GSKIP: variants seen among roughly 807,000 people sequenced by gnomAD.
GSKIP encodes the protein GSK3B-interacting protein.
Under a neutral mutation model 11.9 loss-of-function variants are expected in GSKIP, and 5 were observed. The observed-to-expected ratio is 0.42, with a 90% confidence interval of 0.22 to 0.89. The LOEUF (loss-of-function observed/expected upper bound fraction) is 0.89, where lower values mean the gene tolerates loss of function less well. Ranked by LOEUF, GSKIP falls within the 40% of genes least tolerant of loss-of-function variation. The pLI is 0.29. For synonymous variants in GSKIP, 70 were observed against 62.9 expected (o/e 1.11, Z -0.54); for missense variants, 150 against 166.6 (o/e 0.90, Z 0.55).
intron 1 of GSKIP, among the ~76,000 whole-genome samples, chr14:96,372,133 C>T (rs542358226): frequency 6.6e-6 from 1 of 152,218 alleles, no homozygotes; most frequent in East Asian, 1.9e-4. Context: ...GATATAGTAA[C>T]AGTGATATGT....
chr14:96,377,822 C>G (rs190864078), intron 1 of GSKIP, among the ~76,000 whole-genome samples: 118 of 152,302 alleles, frequency 7.7e-4, no homozygotes, highest in African/African-American at 2.7e-3. Flanking sequence ...TTGGACAAAG[C>G]TCTTGACTTG....
chr14:96,375,968 T>C (rs1261718491), intron 1 of GSKIP, among the ~76,000 whole-genome samples: 1 of 152,222 alleles, frequency 6.6e-6, no homozygotes, highest in Non-Finnish European at 1.5e-5. Context: ...TAATCCACTC[T>C]TTGGGTAGAG....
At chr14:96,384,014 CT>C (rs1889419528) in intron 3 of GSKIP, among the ~76,000 whole-genome samples, 1 of 152,018 alleles carries the variant, frequency 6.6e-6, no homozygotes, top group Admixed American at 6.6e-5. Context: ...CCGTCTACCC[CT>C]GAGAGAGTTT....
At chr14:96,369,900 T>A in intron 1 of GSKIP, among the ~76,000 whole-genome samples, 1 of 152,108 alleles carries the variant, frequency 6.6e-6, no homozygotes, top group Non-Finnish European at 1.5e-5. Context: ...ACTGGCAGTG[T>A]GCACCCTCAT....
At chr14:96,371,442 CTTT>C (rs570686090) in intron 1 of GSKIP, among the ~76,000 whole-genome samples, 78 of 112,744 alleles carry the variant, frequency 6.9e-4, no homozygotes, top group Non-Finnish European at 8.4e-4. Flanking sequence ...TATCAACAAT[CTTT>C]TTTTTTTTTT....
At chr14:96,382,198 A>G (rs763471381) in intron 2 of GSKIP, 49 bp from the exon 3 acceptor site, 7 of 1,357,760 alleles carry the variant, frequency 5.2e-6, no homozygotes, top group Admixed American at 5.0e-5. Context: ...AGTAGTTTGA[A>G]TGTCTTTCTA....
chr14:96,373,250 AAAGAAAG>A (rs1419553330), intron 1 of GSKIP, among the ~76,000 whole-genome samples: 3 of 144,432 alleles, frequency 2.1e-5, no homozygotes, highest in Non-Finnish European at 4.4e-5. Flanking sequence ...AAAAAAAAAA[AAAGAAAG>A]GAGGATACTC....
chr14:96,367,104 G>A (rs1218630686), intron 1 of GSKIP, among the ~76,000 whole-genome samples: 1 of 152,166 alleles, frequency 6.6e-6, no homozygotes, highest in Non-Finnish European at 1.5e-5. Context: ...TTGAAAGATA[G>A]TGTTAAATAC....
intron 1 of GSKIP, among the ~76,000 whole-genome samples, chr14:96,373,229 CA>C (rs57931398): frequency 0.38 from 31,564 of 82,120 alleles, 1,818 homozygotes; most frequent in Middle Eastern, 0.47. Context: ...GACTCTGTCT[CA>C]AAAAAAAAAA....
intron 1 of GSKIP, among the ~76,000 whole-genome samples, chr14:96,373,442 A>G (rs930938317): frequency 6.6e-6 from 1 of 152,130 alleles, no homozygotes; most frequent in African/African-American, 2.4e-5. Flanking sequence ...TGCATCCTCA[A>G]TAATACTTGA....
At chr14:96,368,342 T>A (rs1042667873) in intron 1 of GSKIP, among the ~76,000 whole-genome samples, 1 of 151,512 alleles carries the variant, frequency 6.6e-6, no homozygotes, top group Non-Finnish European at 1.5e-5. Flanking sequence ...CTAATTTTTG[T>A]ATTTTTTTGT....
rs191288779 is a variant in GSKIP at position 96,382,132 on chromosome 14, G to T, written c.-1-115G>T. 6.8e-5 allele frequency: 42 copies of T among 614,096 alleles called. 1 individual carries two copies. In the East Asian group the frequency reaches 1.2e-3, roughly 17 times the overall value. The allele number at this position is 614,096 out of a possible 1,614,324, so 38.0% of individuals were successfully genotyped here. A position where few individuals can be genotyped will look rare whatever the true frequency, so the allele number is the denominator to read the frequency against. On this transcript the variant is annotated intron_variant, in intron 2 of 3. Coordinates refer to ENST00000555181, the MANE Select transcript of GSKIP (RefSeq NM_016472.5). ...ATAGTATTTTTCCTAACAATTGTTA[G>T]CTAGTGTTTTGTACTAAGGAGCAAT...
chr14:96,372,161 G>A (rs1185709201), intron 1 of GSKIP, among the ~76,000 whole-genome samples: 1 of 152,152 alleles, frequency 6.6e-6, no homozygotes, highest in East Asian at 1.9e-4. Flanking sequence ...AAGAATATCT[G>A]CCATGTTTGT....
intron 1 of GSKIP, among the ~76,000 whole-genome samples, chr14:96,374,590 G>T (rs1191578586): frequency 6.6e-6 from 1 of 152,106 alleles, no homozygotes; most frequent in African/African-American, 2.4e-5. Context: ...GGCTGGTCAT[G>T]AACTGAGCTC....
chr14:96,385,761 A>G lies in GSKIP; in HGVS notation c.*77A>G. The G allele has an allele frequency of 8.8e-7, 1 of 1,138,622 alleles. No homozygotes were observed. The highest frequency in any genetic ancestry group is 1.2e-6 in the Non-Finnish European group (1 of 810,494). 70.5% of individuals were successfully genotyped at this position (1,138,622 alleles called of 1,614,324 possible). ...AAGCTTAAAATTCTTGCATATGGTC[A>G]TAGAAAATGCATCTTTGGTTTTGTG... On this transcript the variant is annotated 3_prime_UTR_variant, in exon 4 of 4. Coordinates refer to ENST00000555181, the MANE Select transcript of GSKIP (RefSeq NM_016472.5).
chr14:96,385,900 AT>A lies in GSKIP; in HGVS notation c.*218del, dbSNP rs1889478336. The A allele has an allele frequency of 4.2e-6, 2 of 471,310 alleles. No homozygotes were observed. Among genetic ancestry groups the A allele is most frequent in the Non-Finnish European group, 7.6e-6 (2 of 262,456 alleles). 29.2% of individuals were successfully genotyped at this position (471,310 alleles called of 1,614,324 possible). On this transcript the variant is annotated 3_prime_UTR_variant, in exon 4 of 4. Coordinates refer to ENST00000555181, the MANE Select transcript of GSKIP (RefSeq NM_016472.5). ...CTGAGGCCGTTGCTATGATACCATC[AT>A]TAAGACATTCACATGTCTTCATATA... is the stretch of plus-strand genomic sequence containing the variant.
intron 1 of GSKIP, among the ~76,000 whole-genome samples, chr14:96,375,427 T>G (rs1285866680): frequency 1.5e-5 from 2 of 129,072 alleles, no homozygotes; most frequent in African/African-American, 2.9e-5. Flanking sequence ...AATTTATTTC[T>G]TTTTCTCTCT....
chr14:96,382,220 T>C (rs762145140), intron 2 of GSKIP, 27 bp from the exon 3 acceptor site: 4 of 1,519,152 alleles, frequency 2.6e-6, no homozygotes. Context: ...AAACAAATTT[T>C]ATAACTGCTT....
intron 1 of GSKIP, among the ~76,000 whole-genome samples, chr14:96,367,038 T>G (rs1040252521): frequency 2.6e-5 from 4 of 152,322 alleles, no homozygotes; most frequent in South Asian, 4.1e-4. Flanking sequence ...CCACATAATG[T>G]AAAGAGCACC....
Sources: allele counts gnomAD v4.1 joint callset (sites outside exome capture counted in the v4.1 genomes callset), GRCh38; gene constraint gnomAD v4.1.1; transcripts MANE v1.5; gene names NCBI Gene and HGNC (gene_info 2026-07-23, HGNC 2026-07-21).